The following PTPRN2 variants were observed in gnomAD, a reference collection of about 807,000 sequenced individuals.
PTPRN2 encodes the protein receptor-type tyrosine-protein phosphatase N2.
PTPRN2 carries 74 observed loss-of-function variants against 118.8 expected under a neutral mutation model. The ratio of observed to expected loss-of-function variants is 0.62; its 90% CI spans 0.52 to 0.76. The LOEUF (loss-of-function observed/expected upper bound fraction) is 0.76, where lower values mean the gene tolerates loss of function less well. Among genes scored for constraint, PTPRN2 ranks in the 30% least tolerant of loss-of-function variants. The pLI is 0.00. For synonymous variants in PTPRN2, 641 were observed against 608.0 expected, an observed-to-expected ratio of 1.05 and a Z score of -0.80; for missense variants, 1,481 against 1,394.4, an observed-to-expected ratio of 1.06 and a Z score of -0.99.
chr7:158,102,539 T>C (rs1301559602), intron 10 of PTPRN2, among the ~76,000 whole-genome samples: 1 of 152,134 alleles, frequency 6.6e-6, no homozygotes, highest in East Asian at 1.9e-4. Context: ...CATCCACACC[T>C]CCACACGTTC....
At chr7:158,386,580 T>C (rs758678472) in intron 2 of PTPRN2, among the ~76,000 whole-genome samples, 1 of 152,108 alleles carries the variant, frequency 6.6e-6, no homozygotes, top group Non-Finnish European at 1.5e-5. Context: ...ATGGGGCCAG[T>C]GGGGACATGA....
intron 12 of PTPRN2, among the ~76,000 whole-genome samples, chr7:157,762,829 A>G (rs1286744639): frequency 6.6e-6 from 1 of 152,158 alleles, no homozygotes; most frequent in Non-Finnish European, 1.5e-5. Flanking sequence ...CACCGCATGC[A>G]GGGAGGGGTA....
chr7:158,103,751 G>A (rs570824927), intron 10 of PTPRN2, among the ~76,000 whole-genome samples: 50 of 152,308 alleles, frequency 3.3e-4, no homozygotes, highest in African/African-American at 1.1e-3. Context: ...CAATGGTGTC[G>A]GGGGCCACAG....
intron 2 of PTPRN2, among the ~76,000 whole-genome samples, chr7:158,328,012 C>G (rs558582117): frequency 1.3e-5 from 2 of 152,192 alleles, no homozygotes; most frequent in African/African-American, 2.4e-5. Context: ...GAATCACTGC[C>G]CTGTTGAAAG....
chr7:158,270,856 C>CA (rs1563068034), intron 3 of PTPRN2, among the ~76,000 whole-genome samples: 3 of 70,334 alleles, frequency 4.3e-5, no homozygotes, highest in African/African-American at 1.8e-4. Flanking sequence ...TGGACCGCCC[C>CA]CCCACCTGGA....
At chr7:158,267,093 G>C (rs1277777197) in intron 3 of PTPRN2, among the ~76,000 whole-genome samples, 1 of 152,270 alleles carries the variant, frequency 6.6e-6, no homozygotes, top group Non-Finnish European at 1.5e-5. Flanking sequence ...ACCCGCGGCA[G>C]GTCCCGCCTG....
intron 1 of PTPRN2, among the ~76,000 whole-genome samples, chr7:158,585,985 A>T (rs1828885005): frequency 6.6e-6 from 1 of 152,216 alleles, no homozygotes; most frequent in Non-Finnish European, 1.5e-5. Context: ...CACCAGGAGG[A>T]GGCAGAGTGA....
intron 12 of PTPRN2, among the ~76,000 whole-genome samples, chr7:157,889,306 C>G (rs746747114): frequency 1.3e-5 from 2 of 151,784 alleles, no homozygotes; most frequent in Admixed American, 6.6e-5. Flanking sequence ...TACCGCCCCC[C>G]TCTCAACTAA....
chr7:157,806,906 C>T (rs888716677), intron 12 of PTPRN2, among the ~76,000 whole-genome samples: 23 of 152,250 alleles, frequency 1.5e-4, no homozygotes, highest in African/African-American at 5.3e-4. Context: ...ATCAGACCTG[C>T]ACCTCAGCAG....
In PTPRN2 at chr7:157,596,527, C is replaced by T. The variant is rs755836197; in HGVS notation, c.2419-1212G>A. Among the ~76,000 whole-genome samples, 17 of 152,284 alleles carry T rather than the reference C, an allele frequency of 1.1e-4. No individual in the cohort carries two copies. The highest frequency in any genetic ancestry group is 5.8e-4 in the East Asian group (3 of 5,186). ...TGAGGACAAAGCCTTGAGAGGCAAG[C>T]GAGATTTGAGCACATTGCTGAGGGG... On this transcript the variant is annotated intron_variant, in intron 16 of 22. Coordinates refer to ENST00000389418, the MANE Select transcript of PTPRN2 (RefSeq NM_002847.5). The surrounding 1 kb of genome is among the most constrained non-coding windows in gnomAD (Gnocchi z 4.2).
intron 3 of PTPRN2, among the ~76,000 whole-genome samples, chr7:158,263,253 C>T (rs1797652459): frequency 6.6e-6 from 1 of 152,230 alleles, no homozygotes; most frequent in African/African-American, 2.4e-5. Flanking sequence ...TGCATTTACA[C>T]ACTTGTGCAT....
intron 11 of PTPRN2, among the ~76,000 whole-genome samples, chr7:157,924,111 C>T (rs1363388624): frequency 6.6e-6 from 1 of 152,114 alleles, no homozygotes. Flanking sequence ...GGGCCCGGTC[C>T]TGAGTGTTTC....
Position 157,569,030 on chromosome 7 carries a change from G to C in PTPRN2, c.2838-64C>G, listed in dbSNP as rs1038269798. 4.1e-5 allele frequency: 59 copies of C among 1,436,464 alleles called. 1 individual carries two copies. The highest frequency in any genetic ancestry group is 5.5e-5 in the Non-Finnish European group (56 of 1,024,140). The allele number at this position is 1,436,464 out of a possible 1,614,324, so 89.0% of individuals were successfully genotyped here. A position where few individuals can be genotyped will look rare whatever the true frequency, so the allele number is the denominator to read the frequency against. ...ACACGGAAGCCCGACCCACAACAAA[G>C]CTAGTGACAGTTCATTTCCTTCCTG... On this transcript the variant is annotated intron_variant, in intron 20 of 22. Coordinates refer to ENST00000389418, the MANE Select transcript of PTPRN2 (RefSeq NM_002847.5).
intron 2 of PTPRN2, among the ~76,000 whole-genome samples, chr7:158,448,490 G>A (rs968429156): frequency 7.2e-5 from 11 of 151,890 alleles, no homozygotes; most frequent in African/African-American, 2.2e-4. Flanking sequence ...TGCAGTGCAG[G>A]AGGGTGGGGT....
At chr7:158,201,392 G>A (rs572409423) in intron 4 of PTPRN2, among the ~76,000 whole-genome samples, 1 of 152,100 alleles carries the variant, frequency 6.6e-6, no homozygotes, top group Non-Finnish European at 1.5e-5. Flanking sequence ...CCTATATATC[G>A]TGACTGACTT....
intron 12 of PTPRN2, among the ~76,000 whole-genome samples, chr7:157,879,541 A>G (rs1795997101): frequency 6.6e-6 from 1 of 152,202 alleles, no homozygotes; most frequent in Non-Finnish European, 1.5e-5. Context: ...AAAAACACAG[A>G]CAATTTTAAC....
chr7:158,156,268 T>G (rs1409408343), intron 6 of PTPRN2, among the ~76,000 whole-genome samples: 3 of 152,178 alleles, frequency 2.0e-5, no homozygotes, highest in Admixed American at 1.3e-4. Flanking sequence ...ATATATCCAA[T>G]TAGCTCTGGC....
chr7:157,755,905 C>A (rs921204036), intron 12 of PTPRN2, among the ~76,000 whole-genome samples: 1 of 152,312 alleles, frequency 6.6e-6, no homozygotes, highest in African/African-American at 2.4e-5. Context: ...AAGAAGAATG[C>A]GAGCATTTCC....
intron 2 of PTPRN2, among the ~76,000 whole-genome samples, chr7:158,346,658 T>C (rs1030668549): frequency 6.6e-6 from 1 of 152,218 alleles, no homozygotes; most frequent in South Asian, 2.1e-4. Context: ...CTAGATGATA[T>C]GGTAGTTTGT....
Sources: allele counts gnomAD v4.1 joint callset (sites outside exome capture counted in the v4.1 genomes callset), GRCh38; gene constraint gnomAD v4.1.1; non-coding constraint Gnocchi (gnomAD v3.1); transcripts MANE v1.5; gene names NCBI Gene and HGNC (gene_info 2026-07-23, HGNC 2026-07-21).